Variants in STX1B observed in about 807,000 individuals in gnomAD.
STX1B encodes the protein syntaxin-1B.
In STX1B, 7 loss-of-function variants were observed where a neutral mutation model predicts 39.4. The ratio of observed to expected loss-of-function variants is 0.18; its 90% CI spans 0.10 to 0.33. STX1B has a LOEUF of 0.33. Ranked by LOEUF, STX1B falls within the 10% of genes least tolerant of loss-of-function variation. The pLI is 1.00. For synonymous variants in STX1B, 136 were observed against 144.1 expected (o/e 0.94, Z 0.40); for missense variants, 198 against 383.2 (o/e 0.52, Z 4.04).
intron 7 of STX1B, 30 bp from the exon 8 acceptor site, chr16:30,993,514 A>G: frequency 1.9e-6 from 3 of 1,609,584 alleles, no homozygotes; most frequent in Non-Finnish European, 2.5e-6. Context: ...AGCTACAATC[A>G]CCCTTCTCCG....
intron 7 of STX1B, 77 bp downstream of exon 7, chr16:30,996,606 G>T (rs1596716502): frequency 7.6e-7 from 1 of 1,312,844 alleles, no homozygotes; most frequent in East Asian, 2.3e-5. Flanking sequence ...GTGGACTTAG[G>T]ACCTTAGTTC....
In STX1B at chr16:30,990,332, C is replaced by A. The variant is rs1310218466; in HGVS notation, c.*2489G>T. On this transcript the variant is annotated 3_prime_UTR_variant, in exon 10 of 10. Transcript: ENST00000215095. ...GGGCCGTGGCCAGACTTGGGGCAGA[C>A]TTCCTGTCCTGCAGAGGGGCGTTCT... The A allele has an allele frequency of 6.6e-6, 1 of 152,324 alleles. No individual in the cohort carries two copies. The highest frequency in any genetic ancestry group is 1.9e-4 in the East Asian group (1 of 5,198). 9.4% of individuals were successfully genotyped at this position (152,324 alleles called of 1,614,324 possible). A position where few individuals can be genotyped will look rare whatever the true frequency, so the allele number is the denominator to read the frequency against.
rs1158648226 is a variant in STX1B, at chr16:30,992,199, C to G, written c.*622G>C. On this transcript the variant is annotated 3_prime_UTR_variant, in exon 10 of 10. Coordinates refer to ENST00000215095, the MANE Select transcript of STX1B (RefSeq NM_052874.5). ...TGCCATGGCCTGTGTGTACCTGGGC[C>G]TCCCTGGATCCTCTGAGAATGTGAG... The G allele has an allele frequency of 6.6e-6, 1 of 152,434 alleles. No homozygotes were observed. The highest frequency in any genetic ancestry group is 2.4e-5 in the African/African-American group (1 of 41,434). 9.4% of individuals were successfully genotyped at this position (152,434 alleles called of 1,614,324 possible). A position where few individuals can be genotyped will look rare whatever the true frequency, so the allele number is the denominator to read the frequency against.
At chr16:30,994,892 C>CTTTTTTTTTTTTTTT (rs10524041) in intron 7 of STX1B, among the ~76,000 whole-genome samples, 11 of 99,824 alleles carry the variant, frequency 1.1e-4, no homozygotes, top group Non-Finnish European at 2.2e-4. Flanking sequence ...GTCTCCCCGT[C>CTTTTTTTTTTTTTTT]TTTTTTTTTT....
chr16:31,001,008 G>A lies in STX1B; in HGVS notation c.206-6C>T, dbSNP rs2056624871. 3.7e-6 allele frequency: 6 copies of A among 1,614,170 alleles called. No individual in the cohort carries two copies. In the South Asian group the frequency reaches 6.6e-5, roughly 18 times the overall value. On this transcript the variant is annotated splice_region_variant and splice_polypyrimidine_tract_variant and intron_variant, in intron 3 of 9. Coordinates refer to ENST00000215095, the MANE Select transcript of STX1B (RefSeq NM_052874.5). This position sits in a 1 kb window ranked among gnomAD's most constrained non-coding sequence, Gnocchi z 5.5. ...CTCCAGCTCCTGTTTGGTCTCTGAG[G>A]GGAGGGCGAGGGCAAGTGAGATGTC...
At chr16:31,008,252 A>T (rs184742884) in intron 1 of STX1B, among the ~76,000 whole-genome samples, 44 of 98,910 alleles carry the variant, frequency 4.4e-4, no homozygotes, top group African/African-American at 1.7e-3. Flanking sequence ...CCCCCTCTTG[A>T]ATCTCCAGTT....
In STX1B at chr16:31,007,386, C is replaced by T. The variant is rs148719441; in HGVS notation, c.30+2981G>A. On this transcript the variant is annotated intron_variant, in intron 1 of 9. Transcript: ENST00000215095. Reference sequence around the variant, plus strand: ...CTTCTCCCACCCGACTCCACAGCTGCGTCTCAGACCTCAGCCCTCCCTGTG... The same window carrying T: ...CTTCTCCCACCCGACTCCACAGCTGTGTCTCAGACCTCAGCCCTCCCTGTG... Among the ~76,000 whole-genome samples, 65 of 152,290 alleles carry T rather than the reference C, an allele frequency of 4.3e-4. No individual in the cohort carries two copies. In the East Asian group the frequency reaches 6.2e-3, roughly 14 times the overall value.
At chr16:31,009,013 T>C (rs1021427817) in intron 1 of STX1B, among the ~76,000 whole-genome samples, 1 of 152,090 alleles carries the variant, frequency 6.6e-6, no homozygotes, top group Non-Finnish European at 1.5e-5. Flanking sequence ...TCAGTAAAAA[T>C]GTAATAAAGA....
At chr16:30,997,174 G>A in intron 5 of STX1B, 115 bp from the exon 6 acceptor site, 1 of 721,936 alleles carries the variant, frequency 1.4e-6, no homozygotes, top group Non-Finnish European at 2.4e-6. Flanking sequence ...GAATAAGGAG[G>A]AAGCGCTGAA....
chr16:31,008,018 C>T (rs1004777431), intron 1 of STX1B, among the ~76,000 whole-genome samples: 3 of 152,128 alleles, frequency 2.0e-5, no homozygotes, highest in African/African-American at 7.2e-5. Context: ...GACTTGAGAA[C>T]CCCTTGGGAA....
rs1165289828 is a variant in STX1B at position 31,010,400 on chromosome 16, G to T, written c.-4C>A. On this transcript the variant is annotated 5_prime_UTR_variant, in exon 1 of 10. Coordinates refer to ENST00000215095, the MANE Select transcript of STX1B (RefSeq NM_052874.5). The stretch of plus-strand genomic sequence containing the variant: ...GCTCTTGAGTCCGATCCTTCATCCT[G>T]CGACGGCTCCTCCTCCTCCTCCTAG... 2 of 1,498,104 alleles carry T rather than the reference G, an allele frequency of 1.3e-6. No homozygotes were observed. The highest frequency in any genetic ancestry group is 1.9e-5 in the Admixed American group (1 of 52,708). 92.8% of individuals were successfully genotyped at this position (1,498,104 alleles called of 1,614,324 possible).
intron 7 of STX1B, among the ~76,000 whole-genome samples, chr16:30,994,208 C>T (rs1484125211): frequency 6.6e-6 from 1 of 150,852 alleles, no homozygotes; most frequent in Non-Finnish European, 1.5e-5. Flanking sequence ...AGGAGAATGG[C>T]GTGAACCCGG....
chr16:31,010,401 C>G lies in STX1B; in HGVS notation c.-5G>C. The G allele has an allele frequency of 6.7e-7, 1 of 1,498,558 alleles. No individual in the cohort carries two copies. The highest frequency in any genetic ancestry group is 9.0e-7 in the Non-Finnish European group (1 of 1,114,054). 92.8% of individuals were successfully genotyped at this position (1,498,558 alleles called of 1,614,324 possible). ...CTCTTGAGTCCGATCCTTCATCCTG[C>G]GACGGCTCCTCCTCCTCCTCCTAGT... On this transcript the variant is annotated 5_prime_UTR_variant, in exon 1 of 10. Transcript: ENST00000215095.
In STX1B at chr16:30,989,497, G is replaced by A. The variant is rs1267885970; in HGVS notation, c.*3324C>T. ...TCTGGGCCCCAGCCAGGCCCCAGGAGTCCTGTCCCCTCTGAGAAGGGGAGG... is the reference window on the plus strand; with the variant it reads ...TCTGGGCCCCAGCCAGGCCCCAGGAATCCTGTCCCCTCTGAGAAGGGGAGG... On this transcript the variant is annotated 3_prime_UTR_variant, in exon 10 of 10. Transcript: ENST00000215095. The A allele has an allele frequency of 6.6e-6, 1 of 152,194 alleles. No individual in the cohort carries two copies. Among genetic ancestry groups the A allele is most frequent in the Non-Finnish European group, 1.5e-5 (1 of 68,046 alleles). The allele number at this position is 152,194 out of a possible 1,614,324, so 9.4% of individuals were successfully genotyped here. A position where few individuals can be genotyped will look rare whatever the true frequency, so the allele number is the denominator to read the frequency against.
chr16:30,997,353 C>T lies in STX1B; in HGVS notation c.354+149G>A, dbSNP rs933288903. 2.0e-5 allele frequency: 14 copies of T among 713,978 alleles called. No homozygotes were observed. The African/African-American group carries it at 2.3e-4, about 12-fold the overall frequency. The allele number at this position is 713,978 out of a possible 1,614,324, so 44.2% of individuals were successfully genotyped here. A position where few individuals can be genotyped will look rare whatever the true frequency, so the allele number is the denominator to read the frequency against. ...CTCCCCGAGAGCCCCGCCCAGGGCC[C>T]CGCCCGCTCTAGCCTCGCCCCCAGA... On this transcript the variant is annotated intron_variant, in intron 5 of 9. Transcript: ENST00000215095.
At chr16:30,996,006 C>G (rs2056589681) in intron 7 of STX1B, among the ~76,000 whole-genome samples, 1 of 151,850 alleles carries the variant, frequency 6.6e-6, no homozygotes, top group South Asian at 2.1e-4. Flanking sequence ...GGAAGACCCC[C>G]CATCTCTACA....
In STX1B at chr16:30,992,557, T is replaced by C. The variant is rs1463856466; in HGVS notation, c.*264A>G. ...CATCACACGCACACGCACGCTGGGG[T>C]GTCCACACGTCTCGAGCATGTGCCG... On this transcript the variant is annotated 3_prime_UTR_variant, in exon 10 of 10. Coordinates refer to ENST00000215095, the MANE Select transcript of STX1B (RefSeq NM_052874.5). The C allele has an allele frequency of 2.3e-6, 1 of 434,770 alleles. No individual in the cohort carries two copies. The highest frequency in any genetic ancestry group is 2.1e-5 in the African/African-American group (1 of 48,056). The allele number at this position is 434,770 out of a possible 1,614,324, so 26.9% of individuals were successfully genotyped here. A position where few individuals can be genotyped will look rare whatever the true frequency, so the allele number is the denominator to read the frequency against.
chr16:31,007,751 TAAAC>T (rs1169251849), intron 1 of STX1B, among the ~76,000 whole-genome samples: 1 of 152,004 alleles, frequency 6.6e-6, no homozygotes, highest in Non-Finnish European at 1.5e-5. Flanking sequence ...TGAAGAGAAA[TAAAC>T]AAGCCATCTG....
rs145815305 is a variant in STX1B at position 30,993,489 on chromosome 16, G to A, written c.538-5C>T. 6.2e-7 allele frequency: 1 copy of A among 1,613,448 alleles called. No individual in the cohort carries two copies. The highest frequency in any genetic ancestry group is 8.5e-7 in the Non-Finnish European group (1 of 1,179,962). ...CATCTGTGAGTCCATTTTGATCTAG[G>A]GTGACGAGGGAGAGAGCTACAATCA... is the stretch of plus-strand genomic sequence containing the variant. On this transcript the variant is annotated splice_region_variant and splice_polypyrimidine_tract_variant and intron_variant, in intron 7 of 9. Coordinates refer to ENST00000215095, the MANE Select transcript of STX1B (RefSeq NM_052874.5).
Sources: allele counts gnomAD v4.1 joint callset (sites outside exome capture counted in the v4.1 genomes callset), GRCh38; gene constraint gnomAD v4.1.1; non-coding constraint Gnocchi (gnomAD v3.1); transcripts MANE v1.5; gene names NCBI Gene and HGNC (gene_info 2026-07-23, HGNC 2026-07-21).